TBC1D3B: variants seen among roughly 807,000 people sequenced by gnomAD.
The protein encoded by TBC1D3B is TBC1 domain family member 3B.
Under a neutral mutation model 27.1 loss-of-function variants are expected in TBC1D3B, and 2 were observed. The observed-to-expected ratio is 0.07, with a 90% CI of 0.03 to 0.23. The LOEUF (loss-of-function observed/expected upper bound fraction) is 0.23, where lower values mean the gene tolerates loss of function less well. Among genes scored for constraint, TBC1D3B ranks in the 10% least tolerant of loss-of-function variants. TBC1D3B has a pLI of 1.00. For synonymous variants in TBC1D3B, 3 were observed against 150.1 expected, an observed-to-expected ratio of 0.02 and a Z score of 7.16; for missense variants, 17 against 401.3, an observed-to-expected ratio of 0.04 and a Z score of 8.18.
chr17:36,171,281 G>A (rs1221083260), intron 7 of TBC1D3B, among the ~76,000 whole-genome samples: 13 of 151,022 alleles, frequency 8.6e-5, no homozygotes, highest in African/African-American at 2.2e-4. Flanking sequence ...TGTGAGTGAC[G>A]AGGAGTCAAG....
In TBC1D3B at chr17:36,169,246, G is replaced by C; in HGVS notation, c.668-72C>G. 3 of 1,575,914 alleles carry C rather than the reference G, an allele frequency of 1.9e-6. 1 individual carries two copies. Among genetic ancestry groups the C allele is most frequent in the Non-Finnish European group, 2.6e-6 (3 of 1,147,636 alleles). ...TGTGGAGCCATCAGCTGCAAGAGCTGGGCAGCTGGAGAGGCCCCCAAACCC... is the reference window on the plus strand; with the variant it reads ...TGTGGAGCCATCAGCTGCAAGAGCTCGGCAGCTGGAGAGGCCCCCAAACCC... On this transcript the variant is annotated intron_variant, in intron 9 of 13. Coordinates refer to ENST00000611257, the MANE Select transcript of TBC1D3B (RefSeq NM_001001417.7).
At chr17:36,167,051 G>A (rs1399945990) in intron 13 of TBC1D3B, among the ~76,000 whole-genome samples, 4 of 105,358 alleles carry the variant, frequency 3.8e-5, no homozygotes, top group Non-Finnish European at 5.6e-5. Flanking sequence ...CTCTGGGCCC[G>A]GGGTCCCGCC....
chr17:36,165,705 C>G lies in TBC1D3B; in HGVS notation c.*290G>C. 1 of 983,934 alleles carries G rather than the reference C, an allele frequency of 1.0e-6. No homozygotes were observed. Among genetic ancestry groups the G allele is most frequent in the African/African-American group, 1.5e-5 (1 of 67,784 alleles). 61.0% of individuals were successfully genotyped at this position (983,934 alleles called of 1,614,324 possible). A position where few individuals can be genotyped will look rare whatever the true frequency, so the allele number is the denominator to read the frequency against. On this transcript the variant is annotated 3_prime_UTR_variant, in exon 14 of 14. Transcript: ENST00000611257. ...GCATTTCAACAGGAAACATTTATTT[C>G]AAAACGTGAAGGTAGTTATCCTTCC... is the stretch of plus-strand genomic sequence containing the variant.
chr17:36,169,061 G>A lies in TBC1D3B; in HGVS notation c.762+19C>T. 6.2e-7 allele frequency: 1 copy of A among 1,605,468 alleles called. No individual in the cohort carries two copies. Among genetic ancestry groups the A allele is most frequent in the Non-Finnish European group, 8.5e-7 (1 of 1,174,124 alleles). On this transcript the variant is annotated intron_variant, in intron 10 of 13. Transcript: ENST00000611257. ...GGAGGCAGGGCCTCTGGGAAGAGCT[G>A]AGGGGACCATAAACTCACCTGATGC...
At chr17:36,168,250 T>G in intron 11 of TBC1D3B, 84 bp from the exon 12 acceptor site, 3 of 355,834 alleles carry the variant, frequency 8.4e-6, no homozygotes, top group Admixed American at 5.5e-5. Flanking sequence ...GGCTTCAGTC[T>G]CCAGAGTCAG....
intron 7 of TBC1D3B, among the ~76,000 whole-genome samples, chr17:36,170,929 C>T (rs1236351174): frequency 4.7e-5 from 4 of 85,188 alleles, no homozygotes; most frequent in Admixed American, 9.9e-5. Flanking sequence ...AGTCTCCCGG[C>T]CACCGCTCCA....
chr17:36,171,407 C>T (rs2068352812), intron 7 of TBC1D3B, among the ~76,000 whole-genome samples: 1 of 150,904 alleles, frequency 6.6e-6, no homozygotes, highest in African/African-American at 2.4e-5. Flanking sequence ...TGAGCCACTG[C>T]CCAACTGGCT....
At chr17:36,171,352 T>A (rs2068351327) in intron 7 of TBC1D3B, among the ~76,000 whole-genome samples, 1 of 151,114 alleles carries the variant, frequency 6.6e-6, no homozygotes, top group African/African-American at 2.4e-5. Context: ...GGGTTCAATA[T>A]CTGTGACACT....
rs1205829055 is a variant in TBC1D3B at position 36,165,833 on chromosome 17, G to T, written c.*162C>A. ...AGGGGCTGGGCATGGTTGGCTTTGT[G>T]ATCTGGGGTCTGGTGTGTTCCATCT... On this transcript the variant is annotated 3_prime_UTR_variant, in exon 14 of 14. Transcript: ENST00000611257. 3 of 971,246 alleles carry T rather than the reference G, an allele frequency of 3.1e-6. No homozygotes were observed. Among genetic ancestry groups the T allele is most frequent in the Admixed American group, 2.2e-5 (1 of 46,188 alleles). The allele number at this position is 971,246 out of a possible 1,614,324, so 60.2% of individuals were successfully genotyped here. A position where few individuals can be genotyped will look rare whatever the true frequency, so the allele number is the denominator to read the frequency against.
intron 9 of TBC1D3B, 37 bp from the exon 10 acceptor site, chr17:36,169,211 T>C (rs1323800339): frequency 5.1e-6 from 8 of 1,583,238 alleles, no homozygotes; most frequent in African/African-American, 1.3e-5. Context: ...ATCAGAGCCT[T>C]CCCCCAAGAT....
At chr17:36,167,154 C>G (rs1332775738) in intron 13 of TBC1D3B, among the ~76,000 whole-genome samples, 2 of 102,932 alleles carry the variant, frequency 1.9e-5, no homozygotes, top group African/African-American at 5.2e-5. Context: ...CTTGGAGGAG[C>G]GTGCAGGAGT....
chr17:36,170,882 G>C (rs1431109535), intron 7 of TBC1D3B, among the ~76,000 whole-genome samples: 5 of 92,434 alleles, frequency 5.4e-5, no homozygotes, highest in African/African-American at 1.3e-4. Context: ...CAGTCTGTGG[G>C]TGTACAGTTC....
rs1405743434 is a variant in TBC1D3B at position 36,170,872 on chromosome 17, C to A, written c.498-269G>T. On this transcript the variant is annotated intron_variant, in intron 7 of 13. Coordinates refer to ENST00000611257, the MANE Select transcript of TBC1D3B (RefSeq NM_001001417.7). The stretch of plus-strand genomic sequence containing the variant: ...TTTTCAGTTTGCACACACGCCAGTT[C>A]AGTCTGTGGGTGTACAGTTCCTCCA... 4.1e-4 allele frequency among the ~76,000 whole-genome samples: 38 copies of A among 93,524 alleles called. 1 individual carries two copies. Among genetic ancestry groups the A allele is most frequent in the African/African-American group, 9.7e-4 (37 of 38,238 alleles). The allele number at this position is 93,524 out of a possible 152,430, so 61.4% of individuals were successfully genotyped here.
chr17:36,168,242 C>T, intron 11 of TBC1D3B, 76 bp from the exon 12 acceptor site: 1 of 345,238 alleles, frequency 2.9e-6, no homozygotes, highest in Admixed American at 2.8e-5. Context: ...CACACTGGGG[C>T]TTCAGTCTCC....
chr17:36,169,412 G>A (rs1445327543), intron 9 of TBC1D3B, among the ~76,000 whole-genome samples: 1 of 149,302 alleles, frequency 6.7e-6, no homozygotes, highest in Admixed American at 6.7e-5. Context: ...GGGCAAGCCT[G>A]ACTTTCAGGC....
At chr17:36,171,603 G>C (rs1197373378) in intron 7 of TBC1D3B, among the ~76,000 whole-genome samples, 1 of 148,328 alleles carries the variant, frequency 6.7e-6, no homozygotes, top group Non-Finnish European at 1.5e-5. Flanking sequence ...CTTCACCATT[G>C]TGCATGATTT....
intron 13 of TBC1D3B, among the ~76,000 whole-genome samples, chr17:36,167,047 G>A (rs1328293574): frequency 1.9e-5 from 2 of 104,840 alleles, no homozygotes; most frequent in African/African-American, 5.1e-5. Flanking sequence ...CTGGCTCTGG[G>A]CCCGGGGTCC....
At chr17:36,169,558 C>A (rs1362911330) in intron 9 of TBC1D3B, among the ~76,000 whole-genome samples, 3 of 147,148 alleles carry the variant, frequency 2.0e-5, no homozygotes, top group Non-Finnish European at 3.1e-5. Context: ...GCACCGATGG[C>A]AGCAGGAGCC....
intron 7 of TBC1D3B, among the ~76,000 whole-genome samples, chr17:36,171,487 C>T (rs1249206093): frequency 6.6e-6 from 1 of 151,242 alleles, no homozygotes; most frequent in Non-Finnish European, 1.5e-5. Flanking sequence ...CCTAATTCTC[C>T]CAGCATTTGG....
Sources: allele counts gnomAD v4.1 joint callset (sites outside exome capture counted in the v4.1 genomes callset), GRCh38; gene constraint gnomAD v4.1.1; transcripts MANE v1.5; gene names NCBI Gene and HGNC (gene_info 2026-07-23, HGNC 2026-07-21).